PTP4A2: variants seen among roughly 807,000 people sequenced by gnomAD.
PTP4A2 encodes protein tyrosine phosphatase 4A2, also known as protein tyrosine phosphatase type IVA 2.
A neutral mutation model predicts 22.9 loss-of-function variants in PTP4A2; 2 were observed. The ratio of observed to expected loss-of-function variants is 0.09; its 90% CI spans 0.04 to 0.27. The LOEUF is 0.27. Among genes scored for constraint, PTP4A2 ranks in the 10% least tolerant of loss-of-function variants. The pLI is 1.00. For synonymous variants in PTP4A2, 68 were observed against 69.1 expected, an observed-to-expected ratio of 0.98 and a Z score of 0.08; for missense variants, 103 against 205.1, an observed-to-expected ratio of 0.50 and a Z score of 3.04.
chr1:31,915,667 G>A (rs1015097092), intron 3 of PTP4A2: 1 of 313,438 alleles, frequency 3.2e-6, no homozygotes, highest in Non-Finnish European at 5.9e-6. Flanking sequence ...AAAAACCCAA[G>A]TAGCTGGGAC....
intron 1 of PTP4A2, among the ~76,000 whole-genome samples, chr1:31,926,135 TAAAA>T (rs138462840): frequency 8.3e-6 from 1 of 120,580 alleles, no homozygotes; most frequent in Non-Finnish European, 1.8e-5. Context: ...TTCAAAAAAT[TAAAA>T]AAAAAAAAAA....
At chr1:31,927,298 A>T (rs1652508760) in intron 1 of PTP4A2, among the ~76,000 whole-genome samples, 1 of 152,204 alleles carries the variant, frequency 6.6e-6, no homozygotes, top group Non-Finnish European at 1.5e-5. Context: ...TGGGAGCTAA[A>T]CACTGAGTAC....
rs1653021578 is a variant in PTP4A2 at position 31,937,987 on chromosome 1, G to T, written c.-594C>A. On this transcript the variant is annotated splice_region_variant and 5_prime_UTR_variant, in exon 1 of 6. Transcript: ENST00000647444. ...GGCCGCCCGGGAGGGGCGCACTCAC[G>T]CTGGCGAGCTGGGGACTGGGCATTG... 2 of 152,370 alleles carry T rather than the reference G, an allele frequency of 1.3e-5. No individual in the cohort carries two copies. The highest frequency in any genetic ancestry group is 3.5e-4 in the South Asian group (2 of 5,664). The allele number at this position is 152,370 out of a possible 1,614,324, so 9.4% of individuals were successfully genotyped here. A position where few individuals can be genotyped will look rare whatever the true frequency, so the allele number is the denominator to read the frequency against.
At chr1:31,917,159 G>C (rs78773572) in intron 2 of PTP4A2, among the ~76,000 whole-genome samples, 7,968 of 152,234 alleles carry the variant, frequency 0.052, 709 homozygotes, top group African/African-American at 0.18. Context: ...GGAATCCACA[G>C]GTTGAAAATA....
intron 4 of PTP4A2, 61 bp downstream of exon 4, chr1:31,911,635 T>G (rs1299096844): frequency 6.9e-7 from 1 of 1,439,964 alleles, no homozygotes; most frequent in Non-Finnish European, 9.2e-7. Context: ...AGTGAAACTT[T>G]CAACTAACTT....
chr1:31,920,872 T>C (rs777499644), intron 1 of PTP4A2, among the ~76,000 whole-genome samples: 1 of 152,160 alleles, frequency 6.6e-6, no homozygotes, highest in Non-Finnish European at 1.5e-5. Context: ...AAGATCTCCT[T>C]ATTTTTCTGC....
intron 1 of PTP4A2, chr1:31,932,556 A>G (rs146284383): frequency 5.9e-5 from 9 of 152,348 alleles, no homozygotes; most frequent in African/African-American, 2.2e-4. Context: ...AAGTCACATA[A>G]AAAATATCTG....
At position 31,908,169 on chromosome 1, in the gene PTP4A2, TATATATATATATATATATATATATA is replaced by T; in HGVS notation, c.*658_*682del. ...ATATATATATATATATATATATATATATATATATATATATATATATATATATATATATATATATCACTGCTGTTTT... is the reference window on the plus strand; with the variant it reads ...ATATATATATATATATATATATATATTATATATATATATCACTGCTGTTTT... On this transcript the variant is annotated 3_prime_UTR_variant, in exon 6 of 6. Coordinates refer to ENST00000647444, the MANE Select transcript of PTP4A2 (RefSeq NM_080391.4). 4.3e-5 allele frequency: 1 copy of T among 23,144 alleles called. No individual in the cohort carries two copies. The highest frequency in any genetic ancestry group is 8.1e-4 in the East Asian group (1 of 1,232). 1.4% of individuals were successfully genotyped at this position (23,144 alleles called of 1,614,324 possible).
In PTP4A2 at chr1:31,908,139, ATTATATATATATAT is replaced by A. The variant is rs1651301896; in HGVS notation, c.*699_*712del. 1 of 4,248 alleles carries A rather than the reference ATTATATATATATAT, an allele frequency of 2.4e-4. No homozygotes were observed. Among genetic ancestry groups the A allele is most frequent in the Non-Finnish European group, 3.7e-4 (1 of 2,706 alleles). 0.3% of individuals were successfully genotyped at this position (4,248 alleles called of 1,614,324 possible). The stretch of plus-strand genomic sequence containing the variant: ...ATATATATATATATATATATATTAT[ATTATATATATATAT>A]ATATATATATATATATATATATATA... On this transcript the variant is annotated 3_prime_UTR_variant, in exon 6 of 6. Transcript: ENST00000647444.
In PTP4A2 at chr1:31,910,006, T is replaced by C. The variant is rs763003572; in HGVS notation, c.395+32A>G. ...CTTCCTCATGCATGATCTTGCTTTC[T>C]GTGTTTCTGAACACAAAAACTTCAT... On this transcript the variant is annotated intron_variant, in intron 5 of 5. Transcript: ENST00000647444. The C allele has an allele frequency of 1.2e-5, 18 of 1,540,744 alleles. No homozygotes were observed. The African/African-American group carries it at 2.0e-4, about 18-fold the overall frequency.
At chr1:31,916,313 C>A (rs1651832893) in intron 2 of PTP4A2, among the ~76,000 whole-genome samples, 1 of 142,468 alleles carries the variant, frequency 7.0e-6, no homozygotes, top group Non-Finnish European at 1.5e-5. Context: ...CCACTGCACT[C>A]CAGCCTGGGC....
intron 4 of PTP4A2, chr1:31,910,423 C>G (rs1273060423): frequency 1.3e-5 from 3 of 222,264 alleles, no homozygotes; most frequent in Non-Finnish European, 2.7e-5. Flanking sequence ...TCAAATAGCT[C>G]GGACTATAGG....
At chr1:31,925,603 C>CA (rs1052606939) in intron 1 of PTP4A2, among the ~76,000 whole-genome samples, 3 of 151,564 alleles carry the variant, frequency 2.0e-5, no homozygotes, top group African/African-American at 7.3e-5. Context: ...ACTAAAAATA[C>CA]AAAAAAATTA....
At chr1:31,927,402 A>T (rs1268809426) in intron 1 of PTP4A2, among the ~76,000 whole-genome samples, 1 of 152,176 alleles carries the variant, frequency 6.6e-6, no homozygotes, top group Non-Finnish European at 1.5e-5. Flanking sequence ...CTTATCAGGT[A>T]CTATGCTTGC....
In PTP4A2 at chr1:31,907,614, G is replaced by T. The variant is rs1418696166; in HGVS notation, c.*1238C>A. ...ACCTAGTAATAACAAGGCAATCAGTGGTTAAACTGAACTTTACATATAGGG... is the reference window on the plus strand; with the variant it reads ...ACCTAGTAATAACAAGGCAATCAGTTGTTAAACTGAACTTTACATATAGGG... On this transcript the variant is annotated 3_prime_UTR_variant, in exon 6 of 6. Transcript: ENST00000647444. The T allele has an allele frequency of 1.3e-5, 2 of 151,850 alleles. No homozygotes were observed. Among genetic ancestry groups the T allele is most frequent in the African/African-American group, 4.8e-5 (2 of 41,328 alleles). The allele number at this position is 151,850 out of a possible 1,614,324, so 9.4% of individuals were successfully genotyped here. A position where few individuals can be genotyped will look rare whatever the true frequency, so the allele number is the denominator to read the frequency against.
rs74065981 is a variant in PTP4A2, at chr1:31,909,194, A to G, written c.396-234T>C. Among the ~76,000 whole-genome samples the G allele has an allele frequency of 6.6e-3, 1,005 of 152,308 alleles. 11 individuals carry two copies. Among genetic ancestry groups the G allele is most frequent in the African/African-American group, 0.022 (926 of 41,572 alleles). ...TGTCATTATAGTCTATTAACCATTTAATAAAGATCAGAATAGTTTCTACTT... is the reference window on the plus strand; with the variant it reads ...TGTCATTATAGTCTATTAACCATTTGATAAAGATCAGAATAGTTTCTACTT... On this transcript the variant is annotated intron_variant, in intron 5 of 5. Transcript: ENST00000647444.
intron 3 of PTP4A2, among the ~76,000 whole-genome samples, chr1:31,912,335 A>G (rs898788255): frequency 6.6e-6 from 1 of 152,238 alleles, no homozygotes. Context: ...GAAATCTCCA[A>G]TAGTTAGTAA....
Position 31,936,887 on chromosome 1 carries a change from T to TG in PTP4A2, c.-594+1099dup, listed in dbSNP as rs777727201. On this transcript the variant is annotated intron_variant, in intron 1 of 5. Coordinates refer to ENST00000647444, the MANE Select transcript of PTP4A2 (RefSeq NM_080391.4). ...CAAGTACCATATTCCAACTCAGCAG[T>TG]GTAATGTAGTTTGGCGACTCCGGAC... Among the ~76,000 whole-genome samples the TG allele has an allele frequency of 2.2e-3, 334 of 152,314 alleles. 1 individual carries two copies. The South Asian group carries it at 0.024, about 11-fold the overall frequency.
chr1:31,928,191 A>G (rs1457075541), intron 1 of PTP4A2, among the ~76,000 whole-genome samples: 3 of 146,288 alleles, frequency 2.1e-5, no homozygotes, highest in Non-Finnish European at 4.5e-5. Flanking sequence ...ATATATTATA[A>G]CATATATTTA....
Sources: allele counts gnomAD v4.1 joint callset (sites outside exome capture counted in the v4.1 genomes callset), GRCh38; gene constraint gnomAD v4.1.1; transcripts MANE v1.5; gene names NCBI Gene and HGNC (gene_info 2026-07-23, HGNC 2026-07-21).